Variants in PPARGC1A observed in about 807,000 individuals in gnomAD.
PPARGC1A encodes the protein PPARG coactivator 1 alpha.
A neutral mutation model predicts 88.7 loss-of-function variants in PPARGC1A; 25 were observed. The observed-to-expected ratio is 0.28, with a 90% confidence interval of 0.21 to 0.39. PPARGC1A has a LOEUF of 0.39. PPARGC1A is among the 10% of genes least tolerant of loss of function. The pLI is 1.00. For missense variants in PPARGC1A, 880 were observed against 968.7 expected (o/e 0.91, Z 1.22); for synonymous variants, 363 against 355.6 (o/e 1.02, Z -0.24).
At chr4:23,993,363 A>G in the PPARGC1A span, among the ~76,000 whole-genome samples, 1 of 152,170 alleles carries the variant, frequency 6.6e-6, no homozygotes, top group Non-Finnish European at 1.5e-5. Flanking sequence ...ATGAAGACAG[A>G]GTAGAAAGTA....
chr4:24,449,052 C>G, the PPARGC1A span, among the ~76,000 whole-genome samples: 17 of 152,246 alleles, frequency 1.1e-4, no homozygotes, highest in African/African-American at 4.1e-4. Flanking sequence ...TCTTTCAGGT[C>G]CCACATACCA....
chr4:24,208,445 G>T, the PPARGC1A span, among the ~76,000 whole-genome samples: 2 of 151,986 alleles, frequency 1.3e-5, no homozygotes, highest in Non-Finnish European at 2.9e-5. Context: ...ACTTCTAGGG[G>T]CATTACCTAG....
chr4:23,844,738 A>ATAT (rs570932595), intron 2 of PPARGC1A, among the ~76,000 whole-genome samples: 7 of 30,258 alleles, frequency 2.3e-4, no homozygotes, highest in African/African-American at 7.0e-4. Flanking sequence ...AATATATGAT[A>ATAT]TATCATAATA....
At chr4:24,326,940 ACATAATTC>A in the PPARGC1A span, among the ~76,000 whole-genome samples, 6 of 152,194 alleles carry the variant, frequency 3.9e-5, no homozygotes, top group African/African-American at 1.4e-4. Context: ...CTTCTGTCAG[ACATAATTC>A]CTCAGTTTAG....
At chr4:23,894,072 G>C (rs1174585308), upstream of PPARGC1A, among the ~76,000 whole-genome samples, 1 of 152,044 alleles carries the variant, frequency 6.6e-6, no homozygotes, top group African/African-American at 2.4e-5. Flanking sequence ...AAGAACTAAA[G>C]TTTCATCCAT....
At chr4:24,215,865 TAGAGA>T in the PPARGC1A span, among the ~76,000 whole-genome samples, 1 of 152,166 alleles carries the variant, frequency 6.6e-6, no homozygotes, top group African/African-American at 2.4e-5. Context: ...TGCTCTCCTA[TAGAGA>T]GGGCAAACCC....
chr4:24,120,191 G>A, the PPARGC1A span, among the ~76,000 whole-genome samples: 1 of 152,154 alleles, frequency 6.6e-6, no homozygotes, highest in Admixed American at 6.5e-5. Context: ...CAGTTGATAA[G>A]TGGGATCTGA....
chr4:24,208,861 G>A, the PPARGC1A span, among the ~76,000 whole-genome samples: 2 of 151,990 alleles, frequency 1.3e-5, no homozygotes, highest in Admixed American at 6.5e-5. Flanking sequence ...ACTCTATAAT[G>A]AGAGTGTTTT....
the PPARGC1A span, among the ~76,000 whole-genome samples, chr4:23,918,221 T>TC: frequency 2.0e-5 from 3 of 151,826 alleles, no homozygotes; most frequent in African/African-American, 7.3e-5. Context: ...TTAAATTCTT[T>TC]TTTTTTTCTT....
chr4:24,167,759 T>C, the PPARGC1A span, among the ~76,000 whole-genome samples: 1 of 152,124 alleles, frequency 6.6e-6, no homozygotes, highest in Non-Finnish European at 1.5e-5. Context: ...TTGTTGTTTT[T>C]AGGGTTTTTG....
chr4:24,293,762 C>T, the PPARGC1A span, among the ~76,000 whole-genome samples: 1 of 151,438 alleles, frequency 6.6e-6, no homozygotes, highest in East Asian at 2.0e-4. Context: ...GCACCATCCC[C>T]TTGCTTCAAA....
At chr4:24,398,135 G>T in the PPARGC1A span, among the ~76,000 whole-genome samples, 1 of 152,004 alleles carries the variant, frequency 6.6e-6, no homozygotes. Flanking sequence ...TTTACACTGT[G>T]GAATTTCTTT....
chr4:24,198,730 T>A, the PPARGC1A span, among the ~76,000 whole-genome samples: 1 of 151,916 alleles, frequency 6.6e-6, no homozygotes, highest in Admixed American at 6.6e-5. Context: ...AATAAGGGAA[T>A]GGGGAAGGGA....
At chr4:24,129,389 A>G in the PPARGC1A span, among the ~76,000 whole-genome samples, 1 of 152,232 alleles carries the variant, frequency 6.6e-6, no homozygotes, top group African/African-American at 2.4e-5. Context: ...CAAAGTCTAC[A>G]TGTTGTCACC....
At chr4:24,192,172 T>C in the PPARGC1A span, among the ~76,000 whole-genome samples, 20 of 152,136 alleles carry the variant, frequency 1.3e-4, no homozygotes, top group African/African-American at 4.8e-4. Context: ...GGAAAAATGT[T>C]GTCCTGGAGA....
chr4:24,446,894 C>A, the PPARGC1A span, among the ~76,000 whole-genome samples: 1 of 152,154 alleles, frequency 6.6e-6, no homozygotes, highest in South Asian at 2.1e-4. Flanking sequence ...GCCACCACTC[C>A]CAGATTGAAT....
At chr4:23,850,053 T>C (rs1247176503) in intron 2 of PPARGC1A, among the ~76,000 whole-genome samples, 2 of 152,198 alleles carry the variant, frequency 1.3e-5, no homozygotes, top group Non-Finnish European at 2.9e-5. Context: ...GAATTATCCA[T>C]AATTTTATTT....
At chr4:24,144,406 G>T in the PPARGC1A span, among the ~76,000 whole-genome samples, 1 of 152,108 alleles carries the variant, frequency 6.6e-6, no homozygotes. Flanking sequence ...TTAGGGAAAT[G>T]CCTGCTTGAT....
At chr4:23,894,719 A>G, upstream of PPARGC1A, among the ~76,000 whole-genome samples, 1 of 152,162 alleles carries the variant, frequency 6.6e-6, no homozygotes, top group East Asian at 1.9e-4. Flanking sequence ...TAAAACAAAA[A>G]ATAACATGAA....
Sources: allele counts gnomAD v4.1 joint callset (sites outside exome capture counted in the v4.1 genomes callset), GRCh38; gene constraint gnomAD v4.1.1; transcripts MANE v1.5; gene names NCBI Gene and HGNC (gene_info 2026-07-23, HGNC 2026-07-21).